Variants in MKLN1 observed in about 807,000 individuals in gnomAD.
The protein encoded by MKLN1 is muskelin 1, also known as muskelin.
A neutral mutation model predicts 99.0 loss-of-function variants in MKLN1; 18 were observed. The observed-to-expected ratio is 0.18, with a 90% CI of 0.13 to 0.27. The LOEUF is 0.27. MKLN1 is among the 10% of genes least tolerant of loss of function. MKLN1 has a pLI of 1.00. For missense variants in MKLN1, 621 were observed against 875.9 expected (o/e 0.71, Z 3.67); for synonymous variants, 288 against 293.2 (o/e 0.98, Z 0.18).
intron 1 of MKLN1, among the ~76,000 whole-genome samples, chr7:131,141,730 T>C (rs1360151570): frequency 6.6e-6 from 1 of 152,192 alleles, no homozygotes; most frequent in Non-Finnish European, 1.5e-5. Flanking sequence ...TAACTTCCAA[T>C]TTTCCCTAAA....
intron 14 of MKLN1, among the ~76,000 whole-genome samples, 199 bp downstream of exon 14, chr7:131,464,607 T>C (rs549309830): frequency 1.6e-4 from 25 of 152,386 alleles, no homozygotes; most frequent in African/African-American, 5.8e-4. Flanking sequence ...TAGTCTGTAA[T>C]TCTTGGTACT....
rs571281943 is a variant in MKLN1 at position 131,180,447 on chromosome 7, C to A, written c.-296-22410C>A. On this transcript the variant is annotated intron_variant, in intron 2 of 7. Coordinates refer to the MKLN1 transcript ENST00000416992. The stretch of plus-strand genomic sequence containing the variant: ...GGCGCAGTGGCTCACGCCTGTAATC[C>A]CAGCACTTTGGGAGGCCGAGGCGGG... Among the ~76,000 whole-genome samples the A allele has an allele frequency of 2.0e-5, 3 of 152,152 alleles. No individual in the cohort carries two copies. The South Asian group carries it at 6.2e-4, about 32-fold the overall frequency.
Position 131,445,847 on chromosome 7 carries a change from T to C in MKLN1, c.1469T>C (p.Val490Ala), listed in dbSNP as rs1795998852. The C allele has an allele frequency of 6.2e-7, 1 of 1,608,766 alleles. No homozygotes were observed. The highest frequency in any genetic ancestry group is 1.1e-5 in the South Asian group (1 of 90,428). The stretch of plus-strand genomic sequence containing the variant: ...TTGAATGATTTCTTTAGTTATGATG[T>C]GGACTCTGATCATGTAGACATAATA... The part of the protein sequence containing the change: ...TYLNDFFSYD[V>A]DSDHVDIISD... The change falls in exon 12 of 18, where the codon GTG becomes GCG. Residue 490 changes from valine (V) to alanine (A), a missense_variant. Around this residue, in one of 8 missense-constraint regions of MKLN1, gnomAD observed 361 missense variants for 540.8 expected, o/e 0.67. Coordinates refer to ENST00000352689, the MANE Select transcript of MKLN1 (RefSeq NM_013255.5).
At chr7:131,446,996 A>G (rs1796035865) in intron 12 of MKLN1, among the ~76,000 whole-genome samples, 1 of 152,242 alleles carries the variant, frequency 6.6e-6, no homozygotes, top group South Asian at 2.1e-4. Flanking sequence ...AATAGCATCT[A>G]ATGTAAAAAA....
At chr7:131,478,477 A>G (rs1219710634) in intron 16 of MKLN1, 146 bp from the exon 17 acceptor site, 2 of 658,646 alleles carry the variant, frequency 3.0e-6, no homozygotes, top group Non-Finnish European at 4.5e-6. Flanking sequence ...TCTTCTTGCC[A>G]CTATTTGGTG....
chr7:131,419,521 C>T (rs772043388), intron 8 of MKLN1, among the ~76,000 whole-genome samples: 10 of 152,136 alleles, frequency 6.6e-5, no homozygotes, highest in Admixed American at 2.6e-4. Context: ...GGATTACATA[C>T]ATGAGCCATC....
At chr7:131,258,188 A>G (rs7804644) in intron 3 of MKLN1, among the ~76,000 whole-genome samples, 82,813 of 150,862 alleles carry the variant, frequency 0.55, 24,485 homozygotes, top group Admixed American at 0.69. Context: ...AAAGTTTCAC[A>G]TGTGTAATCT....
Position 131,487,578 on chromosome 7 carries a change from T to C in MKLN1, c.2087-29T>C. ...TTTCTGTTACATGTTTTAAACACAA[T>C]GGATGTTTCTTTGTATCTTCTTCAC... is the stretch of plus-strand genomic sequence containing the variant. On this transcript the variant is annotated intron_variant, in intron 17 of 17. Transcript: ENST00000352689. This position sits in a 1 kb window ranked among gnomAD's most constrained non-coding sequence, Gnocchi z 4.7. 7.5e-6 allele frequency: 12 copies of C among 1,606,032 alleles called. No homozygotes were observed. The highest frequency in any genetic ancestry group is 1.0e-5 in the Non-Finnish European group (12 of 1,177,156).
At chr7:131,196,417 T>A (rs1357835004) in intron 2 of MKLN1, among the ~76,000 whole-genome samples, 1 of 152,198 alleles carries the variant, frequency 6.6e-6, no homozygotes, top group East Asian at 1.9e-4. Flanking sequence ...TGTCTGTCAC[T>A]CGCAAAGGAA....
At chr7:131,143,606 G>T (rs1795773208) in intron 2 of MKLN1, among the ~76,000 whole-genome samples, 2 of 152,176 alleles carry the variant, frequency 1.3e-5, no homozygotes, top group Admixed American at 6.6e-5. Flanking sequence ...CAGAAGGATT[G>T]CTTGAGGCTG....
chr7:131,249,967 A>G (rs1456298933), intron 3 of MKLN1, among the ~76,000 whole-genome samples: 3 of 152,148 alleles, frequency 2.0e-5, no homozygotes, highest in Non-Finnish European at 4.4e-5. Flanking sequence ...CTGCCTTTTG[A>G]GGACGTTTTC....
intron 12 of MKLN1, among the ~76,000 whole-genome samples, chr7:131,460,295 A>G (rs1796477065): frequency 1.3e-5 from 2 of 152,128 alleles, no homozygotes. Context: ...TCATGTCTAA[A>G]CTTTAACATT....
rs201094436 is a variant in MKLN1 at position 131,327,882 on chromosome 7, C to T, written c.-18C>T. The T allele has an allele frequency of 1.9e-6, 3 of 1,609,302 alleles. No individual in the cohort carries two copies. The highest frequency in any genetic ancestry group is 1.1e-5 in the South Asian group (1 of 91,008). On this transcript the variant is annotated 5_prime_UTR_variant, in exon 1 of 18. Transcript: ENST00000352689. Reference sequence around the variant, plus strand: ...TTCGCTGCCAGCGGTCGGTGGCGGCCGCTACGGTGCTGACAAGATGGCGGC... The same window carrying T: ...TTCGCTGCCAGCGGTCGGTGGCGGCTGCTACGGTGCTGACAAGATGGCGGC...
chr7:131,426,363 CA>C (rs1292663926), intron 8 of MKLN1, among the ~76,000 whole-genome samples: 1 of 152,184 alleles, frequency 6.6e-6, no homozygotes. Context: ...ACCCCCTCTC[CA>C]GGCTTCAGAA....
intron 1 of MKLN1, among the ~76,000 whole-genome samples, chr7:131,122,893 C>T (rs924608522): frequency 6.6e-6 from 1 of 151,686 alleles, no homozygotes; most frequent in Non-Finnish European, 1.5e-5. Flanking sequence ...TGTGGTGGCC[C>T]GCGCCTGTAG....
intron 1 of MKLN1, among the ~76,000 whole-genome samples, chr7:131,120,349 AC>A (rs1470267220): frequency 6.6e-6 from 1 of 150,620 alleles, no homozygotes; most frequent in Non-Finnish European, 1.5e-5. Flanking sequence ...CAACGGTGAA[AC>A]CCCATCTCTA....
intron 2 of MKLN1, among the ~76,000 whole-genome samples, chr7:131,190,446 T>G (rs1796518147): frequency 6.7e-6 from 1 of 150,338 alleles, no homozygotes; most frequent in Admixed American, 6.6e-5. Flanking sequence ...TTCCATTCTT[T>G]GCTTGCAGCT....
chr7:131,364,783 G>T (rs960370467), intron 1 of MKLN1, among the ~76,000 whole-genome samples: 1 of 152,026 alleles, frequency 6.6e-6, no homozygotes, highest in African/African-American at 2.4e-5. Flanking sequence ...CAAAAGAAAT[G>T]ATCTCGTTTT....
intron 1 of MKLN1, among the ~76,000 whole-genome samples, chr7:131,130,273 A>G (rs1450220013): frequency 6.6e-6 from 1 of 152,226 alleles, no homozygotes; most frequent in African/African-American, 2.4e-5. Flanking sequence ...AGGGTTGGGC[A>G]ACTATGCCAA....
Sources: allele counts gnomAD v4.1 joint callset (sites outside exome capture counted in the v4.1 genomes callset), GRCh38; gene constraint gnomAD v4.1.1; regional missense constraint gnomAD v4.1.1; non-coding constraint Gnocchi (gnomAD v3.1); transcripts MANE v1.5; gene names NCBI Gene and HGNC (gene_info 2026-07-23, HGNC 2026-07-21).